The following CTNNA2 variants were observed in gnomAD, a reference collection of about 807,000 sequenced individuals.
The protein encoded by CTNNA2 is catenin alpha 2, also known as catenin alpha-2.
Under a neutral mutation model 101.0 loss-of-function variants are expected in CTNNA2, and 42 were observed. The observed-to-expected ratio is 0.42, with a 90% confidence interval of 0.32 to 0.54. The LOEUF (loss-of-function observed/expected upper bound fraction) is 0.54, where lower values mean the gene tolerates loss of function less well. Ranked by LOEUF, CTNNA2 falls within the 20% of genes least tolerant of loss-of-function variation. CTNNA2 has a pLI of 0.14. For synonymous variants in CTNNA2, 450 were observed against 456.4 expected, an observed-to-expected ratio of 0.99 and a Z score of 0.18; for missense variants, 871 against 1,223.1, an observed-to-expected ratio of 0.71 and a Z score of 4.29.
chr2:79,619,347 A>T (rs1678850415), intron 1 of CTNNA2, among the ~76,000 whole-genome samples: 1 of 152,234 alleles, frequency 6.6e-6, no homozygotes. Context: ...GTGATAATTG[A>T]GTATTAGCTC....
At chr2:80,216,158 G>T (rs1407711648) in intron 7 of CTNNA2, among the ~76,000 whole-genome samples, 21 of 152,166 alleles carry the variant, frequency 1.4e-4, no homozygotes, top group Admixed American at 1.1e-3. Flanking sequence ...GGTACCGTCT[G>T]TCACGGCTTC....
chr2:80,598,261 A>G (rs1697160067), intron 15 of CTNNA2, among the ~76,000 whole-genome samples: 1 of 152,100 alleles, frequency 6.6e-6, no homozygotes. Flanking sequence ...ATGAAAACAC[A>G]TGGACACAGG....
intron 7 of CTNNA2, among the ~76,000 whole-genome samples, chr2:79,976,730 T>G (rs775631028): frequency 5.9e-5 from 9 of 152,194 alleles, no homozygotes; most frequent in Non-Finnish European, 1.2e-4. Flanking sequence ...ATGTATATAG[T>G]ACAGAAGAGC....
chr2:79,648,335 C>T (rs970501934), intron 1 of CTNNA2, among the ~76,000 whole-genome samples: 1 of 152,148 alleles, frequency 6.6e-6, no homozygotes, highest in East Asian at 1.9e-4. Context: ...TTTGTTCATA[C>T]TAGAACTCTG....
chr2:80,221,858 A>G (rs1471987731), intron 7 of CTNNA2, among the ~76,000 whole-genome samples: 1 of 152,210 alleles, frequency 6.6e-6, no homozygotes, highest in African/African-American at 2.4e-5. Flanking sequence ...GATGCTTTTT[A>G]TAGGTTTTTA....
chr2:80,062,714 T>C (rs1443570088), intron 7 of CTNNA2, among the ~76,000 whole-genome samples: 1 of 149,154 alleles, frequency 6.7e-6, no homozygotes, highest in Non-Finnish European at 1.5e-5. Context: ...TTTTTTTTTT[T>C]TTTTTTTTTG....
chr2:80,516,061 G>A (rs1262360867), intron 9 of CTNNA2, among the ~76,000 whole-genome samples: 2 of 151,970 alleles, frequency 1.3e-5, no homozygotes, highest in Admixed American at 6.6e-5. Flanking sequence ...TTCTCATTAC[G>A]GACAACAGTG....
intron 1 of CTNNA2, among the ~76,000 whole-genome samples, chr2:79,632,891 T>C (rs1179876196): frequency 3.9e-5 from 6 of 152,202 alleles, no homozygotes; most frequent in Non-Finnish European, 8.8e-5. Flanking sequence ...CTGTCTCAAT[T>C]ACTCAACTCG....
chr2:80,387,140 T>A (rs1418616629), intron 7 of CTNNA2, among the ~76,000 whole-genome samples: 1 of 152,048 alleles, frequency 6.6e-6, no homozygotes, highest in Admixed American at 6.5e-5. Flanking sequence ...TACAAAAAAA[T>A]TAGCCGGGCG....
chr2:80,636,529 A>C (rs1672898824), intron 18 of CTNNA2, among the ~76,000 whole-genome samples: 1 of 152,072 alleles, frequency 6.6e-6, no homozygotes, highest in Non-Finnish European at 1.5e-5. Flanking sequence ...GCTGGGGTCT[A>C]ACAGTGTATA....
chr2:79,481,246 T>C (rs977466935), intron 4 of CTNNA2, among the ~76,000 whole-genome samples: 8 of 152,128 alleles, frequency 5.3e-5, no homozygotes, highest in Non-Finnish European at 4.4e-5. Context: ...GCCTCTAAAT[T>C]TGTCGTCTAG....
At chr2:80,393,150 AT>A in intron 7 of CTNNA2, 60 bp from the exon 8 acceptor site, 1 of 1,310,516 alleles carries the variant, frequency 7.6e-7, no homozygotes, top group Non-Finnish European at 1.0e-6. Flanking sequence ...ATTTTTTTAA[AT>A]TTTTAATGTC....
chr2:80,647,945 A>G lies in CTNNA2; in HGVS notation c.*73A>G. Reference sequence around the variant, plus strand: ...TTTTTCTTTTTAATTCCATTTTTGTATGCATACCTGCCAGCTCGTATGCCT... The same window carrying G: ...TTTTTCTTTTTAATTCCATTTTTGTGTGCATACCTGCCAGCTCGTATGCCT... On this transcript the variant is annotated 3_prime_UTR_variant, in exon 19 of 19. Coordinates refer to ENST00000402739, the MANE Select transcript of CTNNA2 (RefSeq NM_001282597.3). The G allele has an allele frequency of 7.0e-7, 1 of 1,423,974 alleles. No homozygotes were observed. Among genetic ancestry groups the G allele is most frequent in the South Asian group, 1.4e-5 (1 of 70,320 alleles). The allele number at this position is 1,423,974 out of a possible 1,614,324, so 88.2% of individuals were successfully genotyped here. A position where few individuals can be genotyped will look rare whatever the true frequency, so the allele number is the denominator to read the frequency against.
At chr2:80,162,455 C>A in intron 7 of CTNNA2, 1 of 1,591,700 alleles carries the variant, frequency 6.3e-7, no homozygotes, top group South Asian at 1.1e-5. Context: ...GTGTTAGTGT[C>A]GAGATGAGCG....
At chr2:80,432,759 C>A (rs1681661379) in intron 9 of CTNNA2, among the ~76,000 whole-genome samples, 1 of 152,112 alleles carries the variant, frequency 6.6e-6, no homozygotes, top group Non-Finnish European at 1.5e-5. Flanking sequence ...GACACATGAG[C>A]TCTATCACCT....
At chr2:79,994,031 T>G (rs979465056) in intron 7 of CTNNA2, among the ~76,000 whole-genome samples, 6 of 152,102 alleles carry the variant, frequency 3.9e-5, no homozygotes, top group Non-Finnish European at 5.9e-5. Flanking sequence ...ATCCTCTCTC[T>G]GGAGTAGCTG....
At chr2:80,473,400 C>A (rs1041604395) in intron 9 of CTNNA2, among the ~76,000 whole-genome samples, 1 of 152,106 alleles carries the variant, frequency 6.6e-6, no homozygotes, top group African/African-American at 2.4e-5. Context: ...TCTAAAATGT[C>A]GATTTTCTTT....
chr2:79,645,000 T>TTA (rs1276464916), intron 1 of CTNNA2, among the ~76,000 whole-genome samples: 4 of 152,074 alleles, frequency 2.6e-5, no homozygotes, highest in African/African-American at 9.7e-5. Flanking sequence ...GTTTTTTTTT[T>TTA]GAGATGAGGT....
intron 1 of CTNNA2, among the ~76,000 whole-genome samples, chr2:79,633,019 G>C (rs532125051): frequency 1.3e-5 from 2 of 152,310 alleles, no homozygotes; most frequent in African/African-American, 4.8e-5. Context: ...GGGGGCTGTA[G>C]TTTGCCAGCC....
Sources: allele counts gnomAD v4.1 joint callset (sites outside exome capture counted in the v4.1 genomes callset), GRCh38; gene constraint gnomAD v4.1.1; transcripts MANE v1.5; gene names NCBI Gene and HGNC (gene_info 2026-07-23, HGNC 2026-07-21).